The following LRMDA variants were observed in gnomAD, a reference collection of about 807,000 sequenced individuals.
LRMDA encodes leucine-rich melanocyte differentiation-associated protein.
LRMDA carries 18 observed loss-of-function variants against 29.8 expected under a neutral mutation model. The observed-to-expected ratio is 0.60, with a 90% CI of 0.42 to 0.90. LRMDA has a LOEUF of 0.90. Among genes scored for constraint, LRMDA ranks in the 40% least tolerant of loss-of-function variants. The probability of loss-of-function intolerance (pLI) is 0.00; values close to 1 mark genes in which losing one functional copy is unlikely to be tolerated. For synonymous variants in LRMDA, 125 were observed against 109.4 expected (o/e 1.14, Z -0.89); for missense variants, 273 against 273.9 (o/e 1.00, Z 0.02).
intron 2 of LRMDA, among the ~76,000 whole-genome samples, chr10:75,973,107 C>T (rs1454850095): frequency 6.6e-6 from 1 of 150,700 alleles, no homozygotes; most frequent in African/African-American, 2.4e-5. Context: ...GTTCTAGGCA[C>T]TGTGCCAAGT....
intron 2 of LRMDA, among the ~76,000 whole-genome samples, chr10:75,506,825 G>A (rs949588726): frequency 6.6e-6 from 1 of 152,194 alleles, no homozygotes; most frequent in East Asian, 1.9e-4. Flanking sequence ...TTCCTGGCAC[G>A]AGGGGGTTGT....
At chr10:75,688,887 A>AT (rs1842112521) in intron 2 of LRMDA, among the ~76,000 whole-genome samples, 1 of 152,216 alleles carries the variant, frequency 6.6e-6, no homozygotes, top group Non-Finnish European at 1.5e-5. Flanking sequence ...GGCTCAGATG[A>AT]TTGTTAGCAT....
chr10:75,566,469 G>A (rs1840373575), intron 2 of LRMDA, among the ~76,000 whole-genome samples: 1 of 152,076 alleles, frequency 6.6e-6, no homozygotes, highest in African/African-American at 2.4e-5. Context: ...AGTGATTAAT[G>A]GCACATAAAA....
At chr10:76,390,659 T>C (rs190507554) in intron 6 of LRMDA, among the ~76,000 whole-genome samples, 1 of 152,258 alleles carries the variant, frequency 6.6e-6, no homozygotes, top group African/African-American at 2.4e-5. Context: ...ATCCAGGTCT[T>C]CAAAATCCTT....
chr10:75,701,447 C>T (rs893822004), intron 2 of LRMDA, among the ~76,000 whole-genome samples: 7 of 152,170 alleles, frequency 4.6e-5, no homozygotes, highest in African/African-American at 1.7e-4. Context: ...CTTTCTGATC[C>T]AAGACACACA....
rs936146197 is a variant in LRMDA at position 75,972,836 on chromosome 10, C to A, written c.132-63172C>A. 3.9e-5 allele frequency among the ~76,000 whole-genome samples: 6 copies of A among 152,284 alleles called. No individual in the cohort carries two copies. In the East Asian group the frequency reaches 9.6e-4, roughly 24 times the overall value. ...TGCTGGGATCTCCAAGTCTCCTCTG[C>A]CACCATCTACAGCCCACACAAATAG... On this transcript the variant is annotated intron_variant, in intron 2 of 6. Transcript: ENST00000611255.
intron 2 of LRMDA, among the ~76,000 whole-genome samples, chr10:75,794,904 T>G (rs1564569698): frequency 6.6e-6 from 1 of 152,126 alleles, no homozygotes. Flanking sequence ...TGGTGCCTTT[T>G]GATAAGCAGA....
At chr10:76,274,169 A>T (rs1840101559) in intron 5 of LRMDA, among the ~76,000 whole-genome samples, 1 of 152,202 alleles carries the variant, frequency 6.6e-6, no homozygotes, top group African/African-American at 2.4e-5. Context: ...TAAGTTATTA[A>T]ACAAGTCTTT....
At chr10:76,435,310 C>T (rs752336017) in intron 6 of LRMDA, among the ~76,000 whole-genome samples, 48 of 152,152 alleles carry the variant, frequency 3.2e-4, no homozygotes, top group Non-Finnish European at 5.0e-4. Context: ...AAGATGTGGC[C>T]TTTCAGTCCT....
At chr10:75,750,992 C>T (rs774528565) in intron 2 of LRMDA, among the ~76,000 whole-genome samples, 1 of 152,164 alleles carries the variant, frequency 6.6e-6, no homozygotes, top group Non-Finnish European at 1.5e-5. Flanking sequence ...TGTAGCCAGC[C>T]GAGATCACGC....
chr10:76,070,785 C>A (rs987749121), intron 5 of LRMDA, among the ~76,000 whole-genome samples: 3 of 152,166 alleles, frequency 2.0e-5, no homozygotes, highest in Admixed American at 6.5e-5. Context: ...GGAAAGAAGG[C>A]CTCACATTCA....
At chr10:75,810,009 A>G (rs1589214208) in intron 2 of LRMDA, among the ~76,000 whole-genome samples, 1 of 152,150 alleles carries the variant, frequency 6.6e-6, no homozygotes, top group South Asian at 2.1e-4. Flanking sequence ...ATTCTCATGA[A>G]GCGGGCCCTG....
At chr10:75,435,202 T>C (rs1844250501) in intron 1 of LRMDA, among the ~76,000 whole-genome samples, 1 of 152,234 alleles carries the variant, frequency 6.6e-6, no homozygotes, top group African/African-American at 2.4e-5. Flanking sequence ...GGATATGCTC[T>C]TGCTTCTGTG....
intron 6 of LRMDA, among the ~76,000 whole-genome samples, chr10:76,379,435 A>AT (rs761106831): frequency 5.3e-5 from 8 of 150,806 alleles, no homozygotes; most frequent in African/African-American, 1.7e-4. Flanking sequence ...CAGGGTTTCT[A>AT]TTTTTTCCTG....
At chr10:76,053,464 T>C (rs1848562723) in intron 4 of LRMDA, among the ~76,000 whole-genome samples, 1 of 152,140 alleles carries the variant, frequency 6.6e-6, no homozygotes, top group Non-Finnish European at 1.5e-5. Context: ...TGAATTGATA[T>C]TGTAAAAGCC....
chr10:75,851,725 C>T (rs1364169445), intron 2 of LRMDA, among the ~76,000 whole-genome samples: 1 of 152,098 alleles, frequency 6.6e-6, no homozygotes, highest in East Asian at 1.9e-4. Flanking sequence ...AAATGAAATC[C>T]ACTTTCTCTG....
chr10:75,888,635 G>A (rs990373330), intron 2 of LRMDA, among the ~76,000 whole-genome samples: 1 of 152,142 alleles, frequency 6.6e-6, no homozygotes, highest in African/African-American at 2.4e-5. Flanking sequence ...CAAATATTAG[G>A]CTCGGGCTGA....
At chr10:76,062,016 G>A (rs1219477222) in intron 5 of LRMDA, among the ~76,000 whole-genome samples, 1 of 152,196 alleles carries the variant, frequency 6.6e-6, no homozygotes, top group African/African-American at 2.4e-5. Context: ...ATGCAGGTGT[G>A]TATACCCGCT....
At chr10:76,165,026 G>A (rs1850714293) in intron 5 of LRMDA, among the ~76,000 whole-genome samples, 1 of 152,198 alleles carries the variant, frequency 6.6e-6, no homozygotes, top group Non-Finnish European at 1.5e-5. Context: ...AGGCTAGAGT[G>A]CAATGGCACA....
Sources: gnomAD v4.1 joint callset for allele counts (sites outside exome capture counted in the v4.1 genomes callset) on GRCh38, gnomAD v4.1.1 for gene constraint, MANE v1.5 for transcripts, NCBI Gene and HGNC (gene_info 2026-07-23, HGNC 2026-07-21) for gene names.